The following KIAA1755 variants were observed in gnomAD, a reference collection of about 807,000 sequenced individuals.
The protein encoded by KIAA1755 is KIAA1755, also known as uncharacterized protein KIAA1755.
In KIAA1755, 68 loss-of-function variants were observed where a neutral mutation model predicts 91.7. That is an observed-to-expected ratio of 0.74 (90% CI 0.61 to 0.91). The LOEUF is 0.91. KIAA1755 is among the 40% of genes least tolerant of loss of function. The pLI, the probability that KIAA1755 is intolerant of heterozygous loss-of-function variation, is 0.00. For missense variants in KIAA1755, 1,535 were observed against 1,494.4 expected (o/e 1.03, Z -0.45); for synonymous variants, 610 against 604.6 (o/e 1.01, Z -0.13).
Position 38,241,812 on chromosome 20 carries a change from G to A in KIAA1755, c.319C>T (p.Leu107Phe). ...PLLLRQGDFY[L>F]QVEPQEEQSV... Reference sequence around the variant, plus strand: ...TGCTCCTCCTGGGGCTCCACTTGGAGGTAGAAGTCACCCTGGCGCAATAAG... The same window carrying A: ...TGCTCCTCCTGGGGCTCCACTTGGAAGTAGAAGTCACCCTGGCGCAATAAG... Residue 107 changes from leucine (L) to phenylalanine (F), a missense_variant, in exon 3 of 14, where the codon CTC becomes TTC. Transcript: ENST00000279024. 6 of 1,614,192 alleles carry A rather than the reference G, an allele frequency of 3.7e-6. No individual in the cohort carries two copies. The African/African-American group carries it at 5.3e-5, about 14-fold the overall frequency.
At chr20:38,216,734 C>T (rs1394873173) in intron 13 of KIAA1755, 2 of 437,682 alleles carry the variant, frequency 4.6e-6, no homozygotes, top group Non-Finnish European at 9.2e-6. Flanking sequence ...ACATTGGTTC[C>T]CTGTCATCAA....
intron 4 of KIAA1755, among the ~76,000 whole-genome samples, chr20:38,232,340 T>A (rs922890496): frequency 1.6e-4 from 25 of 152,036 alleles, no homozygotes; most frequent in Non-Finnish European, 3.4e-4. Flanking sequence ...AAAAAAAAAA[T>A]TTGTGGCTGG....
At chr20:38,214,764 C>A (rs527481703) in intron 13 of KIAA1755, among the ~76,000 whole-genome samples, 63 of 152,352 alleles carry the variant, frequency 4.1e-4, no homozygotes, top group African/African-American at 1.5e-3. Context: ...CCGCTTCCCC[C>A]ACAAAACGTC....
chr20:38,214,756 G>A (rs560034077), intron 13 of KIAA1755, among the ~76,000 whole-genome samples: 1 of 152,280 alleles, frequency 6.6e-6, no homozygotes, highest in South Asian at 2.1e-4. Flanking sequence ...GTCTGTCCCC[G>A]CTTCCCCCAC....
In KIAA1755 at chr20:38,217,375, G is replaced by C; in HGVS notation, c.2779C>G (p.Leu927Val). 1 of 1,613,506 alleles carries C rather than the reference G, an allele frequency of 6.2e-7. No individual in the cohort carries two copies. Among genetic ancestry groups the C allele is most frequent in the South Asian group, 1.1e-5 (1 of 90,874 alleles). ...CGCTGGGTAGAGGCAAAGGCTGCCA[G>C]CTCTGGGAACTCTGCACGTTCTGCC... is the stretch of plus-strand genomic sequence containing the variant. ...GEAERAEFPELAAFASTQRAF... is the reference protein window; with the variant it reads ...GEAERAEFPEVAAFASTQRAF... The change falls in exon 13 of 14, where the codon CTG (leucine) becomes GTG (valine). Residue 927 changes from leucine to valine, a missense_variant. By Grantham distance (32) the Leu-to-Val change is conservative. Coordinates refer to ENST00000279024, the MANE Select transcript of KIAA1755 (RefSeq NM_001029864.2).
chr20:38,241,547 T>C lies in KIAA1755; in HGVS notation c.584A>G (p.Asn195Ser), dbSNP rs1448494595. Residue 195 changes from asparagine (N) to serine (S), a missense_variant, in exon 3 of 14, where the codon AAT becomes AGT. Physicochemically the swap from Asn to Ser is conservative, Grantham distance 46. Transcript: ENST00000279024. Reference sequence around the variant, plus strand: ...GGGCCCCCAGGCTTGGCAGAGGGCATTCACTACTTGGGGTCTGTCATCCAC... The same window carrying C: ...GGGCCCCCAGGCTTGGCAGAGGGCACTCACTACTTGGGGTCTGTCATCCAC... ...EFVDDRPQVVNALCQAWGPLP... is the reference protein window; with the variant it reads ...EFVDDRPQVVSALCQAWGPLP... 6.2e-7 allele frequency: 1 copy of C among 1,614,246 alleles called. No homozygotes were observed. The highest frequency in any genetic ancestry group is 8.5e-7 in the Non-Finnish European group (1 of 1,180,048).
chr20:38,211,409 A>G lies in KIAA1755; in HGVS notation c.*1633T>C, dbSNP rs1040917075. 2 of 152,316 alleles carry G rather than the reference A, an allele frequency of 1.3e-5. No individual in the cohort carries two copies. The highest frequency in any genetic ancestry group is 4.8e-5 in the African/African-American group (2 of 41,478). 9.4% of individuals were successfully genotyped at this position (152,316 alleles called of 1,614,324 possible). On this transcript the variant is annotated 3_prime_UTR_variant, in exon 14 of 14. Coordinates refer to ENST00000279024, the MANE Select transcript of KIAA1755 (RefSeq NM_001029864.2). ...ATGCATCCTACTGCAGAGGTAAGGC[A>G]AACACTTTCAGCTTAATGACACTCC... is the stretch of plus-strand genomic sequence containing the variant.
chr20:38,253,700 C>A (rs1036436430), intron 1 of KIAA1755, among the ~76,000 whole-genome samples: 1 of 152,200 alleles, frequency 6.6e-6, no homozygotes, highest in Admixed American at 6.5e-5. Flanking sequence ...CGTAAGGCAG[C>A]CTTTTAATTT....
chr20:38,213,573 C>A lies in KIAA1755; in HGVS notation c.3072G>T (p.Leu1024=). The change falls in exon 14 of 14, where the codon CTG becomes CTT. Residue 1024 remains leucine (L), a synonymous_variant. Transcript: ENST00000279024. ...GCTCCTGGCCCAGGCCTGCCCGGCT[C>A]AGGGAGGCCACCTGCAGCCCCACGG... ...LAAVGLQVAS[L]SRAGLGQELW... is the part of the protein sequence containing the mutation. 6.2e-7 allele frequency: 1 copy of A among 1,607,200 alleles called. No homozygotes were observed.
Position 38,246,052 on chromosome 20 carries a change from G to A in KIAA1755, c.78C>T (p.Pro26=), listed in dbSNP as rs1948839428. Residue 26 remains proline, a synonymous_variant, in exon 2 of 14, where the codon CCC becomes CCT. Transcript: ENST00000279024. The part of the protein sequence containing the change: ...GLYPPFEATA[P]TVLGQVFRLL... ...GACGGAACACCTGACCCAGGACGGTGGGTGCTGTGGCCTCGAAAGGAGGAT... is the reference window on the plus strand; with the variant it reads ...GACGGAACACCTGACCCAGGACGGTAGGTGCTGTGGCCTCGAAAGGAGGAT... The A allele has an allele frequency of 3.1e-6, 5 of 1,614,184 alleles. No homozygotes were observed. Among genetic ancestry groups the A allele is most frequent in the Non-Finnish European group, 4.2e-6 (5 of 1,180,024 alleles).
At position 38,217,275 on chromosome 20, in the gene KIAA1755, T is replaced by G. The variant is rs2075563306; in HGVS notation, c.2879A>C (p.His960Pro). The change falls in exon 13 of 14, where the codon CAC becomes CCC. Residue 960 changes from histidine (H) to proline (P), a missense_variant. Coordinates refer to ENST00000279024, the MANE Select transcript of KIAA1755 (RefSeq NM_001029864.2). ...CACCCTCTTGCAGAAGCGGTGCAGG[T>G]GGAGCAGCGTCTCGAGGTCCGTGCG... ...RQRTDLETLLHLHRFCKRMTW... is the reference protein window; with the variant it reads ...RQRTDLETLLPLHRFCKRMTW... The G allele has an allele frequency of 1.9e-6, 3 of 1,603,864 alleles. No homozygotes were observed. The highest frequency in any genetic ancestry group is 1.3e-5 in the African/African-American group (1 of 74,998).
chr20:38,237,164 A>C (rs1273330010), intron 4 of KIAA1755, among the ~76,000 whole-genome samples: 1 of 144,454 alleles, frequency 6.9e-6, no homozygotes, highest in Non-Finnish European at 1.5e-5. Context: ...GCTTCTGCTT[A>C]CTCACTCAGA....
At chr20:38,256,658 C>T (rs754798935) in intron 1 of KIAA1755, among the ~76,000 whole-genome samples, 2 of 151,998 alleles carry the variant, frequency 1.3e-5, no homozygotes, top group Non-Finnish European at 2.9e-5. Flanking sequence ...AAAAAGTTAG[C>T]TGAGCATGGT....
chr20:38,213,500 C>T lies in KIAA1755; in HGVS notation c.3145G>A (p.Glu1049Lys), dbSNP rs1221791128. 4.3e-6 allele frequency: 7 copies of T among 1,609,200 alleles called. No individual in the cohort carries two copies. The East Asian group carries it at 1.1e-4, about 26-fold the overall frequency. ...CAAGAGCTGTGGGTCAGTGCCTTCT[C>T]CAGGAGCATCCGGATCTCCTCATGC... The part of the protein sequence containing the change: ...IRHEEIRMLL[E>K]KALTHSSCPE... Residue 1049 changes from glutamate (E) to lysine (K), a missense_variant, in exon 14 of 14, where the codon GAG (glutamate) becomes AAG (lysine). Glu to Lys is a moderately conservative substitution (Grantham distance 56). Coordinates refer to ENST00000279024, the MANE Select transcript of KIAA1755 (RefSeq NM_001029864.2).
chr20:38,260,724 G>C lies in KIAA1755; in HGVS notation c.-224C>G, dbSNP rs541462837. 4.7e-5 allele frequency: 21 copies of C among 444,300 alleles called. No homozygotes were observed. The highest frequency in any genetic ancestry group is 1.0e-4 in the African/African-American group (5 of 49,050). The allele number at this position is 444,300 out of a possible 1,614,324, so 27.5% of individuals were successfully genotyped here. A position where few individuals can be genotyped will look rare whatever the true frequency, so the allele number is the denominator to read the frequency against. On this transcript the variant is annotated 5_prime_UTR_variant, in exon 1 of 14. Coordinates refer to ENST00000279024, the MANE Select transcript of KIAA1755 (RefSeq NM_001029864.2). ...ACAGAGAGGGACTGAGGCTGGAGAC[G>C]GCGAGAGACATAAGGGAGCCGCGGG...
At chr20:38,257,876 A>G (rs1401081815) in intron 1 of KIAA1755, among the ~76,000 whole-genome samples, 1 of 151,536 alleles carries the variant, frequency 6.6e-6, no homozygotes, top group Non-Finnish European at 1.5e-5. Context: ...ATTTGCCTTC[A>G]TTGAGTACAT....
intron 8 of KIAA1755, 67 bp from the exon 9 acceptor site, chr20:38,223,703 C>T (rs2075703631): frequency 4.1e-6 from 5 of 1,211,724 alleles, no homozygotes; most frequent in Non-Finnish European, 4.7e-6. Context: ...TCTTGCATCT[C>T]AGGAGCACAG....
Position 38,218,259 on chromosome 20 carries a change from G to T in KIAA1755, c.2664C>A (p.Phe888Leu). Residue 888 changes from phenylalanine to leucine, a missense_variant, in exon 12 of 14, where the codon TTC becomes TTA. By Grantham distance (22) the Phe-to-Leu change is conservative. Transcript: ENST00000279024. ...VEKAHAEFEN[F>L]FLQAAAQYRR... ...TGGAACGCACTGCAGCCTGGAGGAA[G>T]AAGTTCTCAAATTCTGCGTGGGCTT... The T allele has an allele frequency of 6.2e-7, 1 of 1,614,208 alleles. No homozygotes were observed.
chr20:38,252,952 C>T (rs1312348802), intron 1 of KIAA1755, among the ~76,000 whole-genome samples: 5 of 152,166 alleles, frequency 3.3e-5, no homozygotes, highest in South Asian at 4.1e-4. Flanking sequence ...CCAATCCACC[C>T]GGCAGCCCAG....
Sources: allele counts gnomAD v4.1 joint callset (sites outside exome capture counted in the v4.1 genomes callset), GRCh38; gene constraint gnomAD v4.1.1; transcripts MANE v1.5; gene names NCBI Gene and HGNC (gene_info 2026-07-23, HGNC 2026-07-21).